Variants in ABCG2 observed in about 807,000 individuals in gnomAD.
ABCG2 encodes the protein ATP binding cassette subfamily G member 2 (JR blood group).
In ABCG2, 80 loss-of-function variants were observed where a neutral mutation model predicts 73.5. The observed-to-expected ratio is 1.09, with a 90% CI of 0.91 to 1.31. The LOEUF (loss-of-function observed/expected upper bound fraction) is 1.31, where lower values mean the gene tolerates loss of function less well. Ranked by LOEUF, ABCG2 falls within the 50% of genes most tolerant of loss-of-function variation. The pLI, the probability that ABCG2 is intolerant of heterozygous loss-of-function variation, is 0.00. For missense variants in ABCG2, 796 were observed against 786.2 expected, an observed-to-expected ratio of 1.01 and a Z score of -0.15; for synonymous variants, 269 against 282.4, an observed-to-expected ratio of 0.95 and a Z score of 0.48.
At chr4:88,113,209 G>A in intron 9 of ABCG2, 94 bp downstream of exon 9, 1 of 1,453,822 alleles carries the variant, frequency 6.9e-7, no homozygotes, top group Non-Finnish European at 9.3e-7. Flanking sequence ...ACAAATAATT[G>A]GAAGGGTGGG....
intron 1 of ABCG2, among the ~76,000 whole-genome samples, chr4:88,150,592 G>A (rs141518324): frequency 2.0e-5 from 3 of 152,266 alleles, no homozygotes; most frequent in Admixed American, 6.5e-5. Context: ...GCTTCCCTGG[G>A]CCACACTGGA....
chr4:88,094,687 G>C, intron 14 of ABCG2, 28 bp from the exon 15 acceptor site: 1 of 1,568,250 alleles, frequency 6.4e-7, no homozygotes, highest in East Asian at 2.2e-5. Flanking sequence ...GCAGGGCAAG[G>C]TAAACAGTTT....
rs1723734913 is a variant in ABCG2, at chr4:88,118,238, T to C, written c.712A>G (p.Ile238Val). Residue 238 changes from isoleucine (I) to valine (V), a missense_variant, in exon 7 of 16, where the codon ATC (isoleucine) becomes GTC (valine). Coordinates refer to ENST00000237612, the MANE Select transcript of ABCG2 (RefSeq NM_004827.3). ...CGAGGCTGATGAATGGAGAAGATGATTGTTCGTCCCTGCTTAGACATCCTA... is the reference window on the plus strand; with the variant it reads ...CGAGGCTGATGAATGGAGAAGATGACTGTTCGTCCCTGCTTAGACATCCTA... ...LKRMSKQGRT[I>V]IFSIHQPRYS... 1.9e-6 allele frequency: 3 copies of C among 1,614,002 alleles called. No homozygotes were observed. The highest frequency in any genetic ancestry group is 2.5e-6 in the Non-Finnish European group (3 of 1,180,008).
chr4:88,141,547 T>C (rs1725642782), intron 1 of ABCG2, among the ~76,000 whole-genome samples: 1 of 152,186 alleles, frequency 6.6e-6, no homozygotes, highest in Non-Finnish European at 1.5e-5. Flanking sequence ...CATTATGCTC[T>C]GGGAATGTGG....
intron 1 of ABCG2, among the ~76,000 whole-genome samples, chr4:88,190,219 T>C (rs1728631299): frequency 6.6e-6 from 1 of 152,196 alleles, no homozygotes; most frequent in Admixed American, 6.6e-5. Context: ...GAGTTCAGAG[T>C]TCTTCCTTCC....
chr4:88,115,122 T>C, intron 7 of ABCG2, 64 bp from the exon 8 acceptor site: 2 of 1,150,644 alleles, frequency 1.7e-6, no homozygotes, highest in South Asian at 2.6e-5. Flanking sequence ...AGAACTCACT[T>C]TCAGAGGGTG....
chr4:88,107,374 C>G (rs1425430551), intron 9 of ABCG2, 108 bp from the exon 10 acceptor site: 1 of 751,182 alleles, frequency 1.3e-6, no homozygotes, highest in African/African-American at 1.8e-5. Context: ...CAGATCTCTC[C>G]ATTAAGATAA....
chr4:88,204,225 T>C (rs1317713201), intron 1 of ABCG2, among the ~76,000 whole-genome samples: 2 of 151,874 alleles, frequency 1.3e-5, no homozygotes, highest in Non-Finnish European at 2.9e-5. Context: ...ATCGAGAATA[T>C]CCCGGCCAAC....
chr4:88,183,467 T>TAGA (rs1037969784), intron 1 of ABCG2, among the ~76,000 whole-genome samples: 2 of 152,068 alleles, frequency 1.3e-5, no homozygotes, highest in African/African-American at 4.8e-5. Flanking sequence ...TTGGAAAACC[T>TAGA]AGAAGAAATA....
intron 1 of ABCG2, among the ~76,000 whole-genome samples, chr4:88,150,180 G>A (rs1462847781): frequency 6.6e-6 from 1 of 152,094 alleles, no homozygotes; most frequent in Admixed American, 6.6e-5. Context: ...ATCCGGGTGT[G>A]GTGGCGCATA....
At chr4:88,181,950 A>T (rs1025568186) in intron 1 of ABCG2, among the ~76,000 whole-genome samples, 1 of 152,230 alleles carries the variant, frequency 6.6e-6, no homozygotes, top group Non-Finnish European at 1.5e-5. Context: ...TTGAATGTAA[A>T]TGGACCAAAT....
chr4:88,218,549 A>C (rs988001440), intron 1 of ABCG2, among the ~76,000 whole-genome samples: 1 of 152,154 alleles, frequency 6.6e-6, no homozygotes, highest in African/African-American at 2.4e-5. Context: ...CCCATCACCG[A>C]AGCAGTACAC....
chr4:88,119,162 T>C (rs1461259241), intron 6 of ABCG2, among the ~76,000 whole-genome samples: 1 of 151,978 alleles, frequency 6.6e-6, no homozygotes, highest in Admixed American at 6.6e-5. Flanking sequence ...TAAATGGGAG[T>C]TCCCCTGCAC....
At chr4:88,137,607 C>T (rs1725342852) in intron 2 of ABCG2, among the ~76,000 whole-genome samples, 1 of 152,180 alleles carries the variant, frequency 6.6e-6, no homozygotes, top group Non-Finnish European at 1.5e-5. Context: ...CCACGACCTT[C>T]ATTACAAGGC....
chr4:88,209,693 C>CAAA (rs1160223578), intron 1 of ABCG2, among the ~76,000 whole-genome samples: 2 of 151,732 alleles, frequency 1.3e-5, no homozygotes, highest in Non-Finnish European at 2.9e-5. Flanking sequence ...AAACAAAAAA[C>CAAA]AAAGTTCATA....
chr4:88,104,315 G>A lies in ABCG2; in HGVS notation c.1277+2869C>T, dbSNP rs568456942. On this transcript the variant is annotated intron_variant, in intron 10 of 15. Coordinates refer to ENST00000237612, the MANE Select transcript of ABCG2 (RefSeq NM_004827.3). ...AGAAGAGAACTAAACCACTGGCCTC[G>A]AGCAGTTTTAAATTATGAAGTACTA... Among the ~76,000 whole-genome samples, 193 of 152,212 alleles carry A rather than the reference G, an allele frequency of 1.3e-3. 1 individual carries two copies. The highest frequency in any genetic ancestry group is 4.5e-3 in the African/African-American group (185 of 41,536).
intron 5 of ABCG2, among the ~76,000 whole-genome samples, chr4:88,125,335 G>A (rs1421091509): frequency 4.0e-5 from 6 of 149,544 alleles, no homozygotes; most frequent in South Asian, 2.1e-4. Context: ...ATGACTGGGC[G>A]TGGTGGCTCA....
intron 1 of ABCG2, among the ~76,000 whole-genome samples, chr4:88,186,686 G>A (rs1261924117): frequency 2.0e-5 from 3 of 151,934 alleles, no homozygotes; most frequent in East Asian, 3.9e-4. Flanking sequence ...TTGGGAGGCC[G>A]AGGCGGGCGG....
At chr4:88,137,485 C>T (rs1725333033) in intron 2 of ABCG2, among the ~76,000 whole-genome samples, 1 of 152,106 alleles carries the variant, frequency 6.6e-6, no homozygotes, top group Admixed American at 6.6e-5. Flanking sequence ...TTTAACATCA[C>T]CAGGGGTGGG....
Sources: allele counts gnomAD v4.1 joint callset (sites outside exome capture counted in the v4.1 genomes callset), GRCh38; gene constraint gnomAD v4.1.1; transcripts MANE v1.5; gene names NCBI Gene and HGNC (gene_info 2026-07-23, HGNC 2026-07-21).